PRMT8: variants seen among roughly 807,000 people sequenced by gnomAD.
The protein encoded by PRMT8 is protein arginine methyltransferase 8, also known as protein arginine N-methyltransferase 8.
PRMT8 carries 7 observed loss-of-function variants against 47.1 expected under a neutral mutation model. The observed-to-expected ratio is 0.15, with a 90% confidence interval of 0.08 to 0.28. The LOEUF is 0.28. PRMT8 is among the 10% of genes least tolerant of loss of function. The pLI, the probability that PRMT8 is intolerant of heterozygous loss-of-function variation, is 1.00. For missense variants in PRMT8, 237 were observed against 505.4 expected, an observed-to-expected ratio of 0.47 and a Z score of 5.09; for synonymous variants, 188 against 186.5, an observed-to-expected ratio of 1.01 and a Z score of -0.07.
intron 1 of PRMT8, among the ~76,000 whole-genome samples, chr12:3,466,168 G>A (rs916462595): frequency 7.2e-5 from 11 of 152,358 alleles, no homozygotes; most frequent in Admixed American, 7.2e-4. Flanking sequence ...AATTTGCTGT[G>A]TGAGCTTGAA....
chr12:3,491,736 C>T lies in PRMT8; in HGVS notation c.75+36C>T, dbSNP rs1865404911. Reference sequence around the variant, plus strand: ...GAGCGAGCAGGGGCTCTCGGAGACCCCGCCGCCCACCCGGACCACCGCGCC... The same window carrying T: ...GAGCGAGCAGGGGCTCTCGGAGACCTCGCCGCCCACCCGGACCACCGCGCC... On this transcript the variant is annotated intron_variant, in intron 1 of 9. Transcript: ENST00000382622. The T allele has an allele frequency of 1.9e-6, 3 of 1,580,326 alleles. 1 individual carries two copies. In the Admixed American group the frequency reaches 5.4e-5, roughly 29 times the overall value.
Position 3,550,100 on chromosome 12 carries a change from G to A in PRMT8, c.417+9G>A, listed in dbSNP as rs527719445. The stretch of plus-strand genomic sequence containing the variant: ...CCAAGAAGGTGTTTGGGGTGAGCAC[G>A]CCGCTTCCTCCTGCATGCTGGCTTC... On this transcript the variant is annotated intron_variant, in intron 3 of 9. Transcript: ENST00000382622. This position sits in a 1 kb window ranked among gnomAD's most constrained non-coding sequence, Gnocchi z 5.1. 3.2e-5 allele frequency: 51 copies of A among 1,613,142 alleles called. No individual in the cohort carries two copies. Among genetic ancestry groups the A allele is most frequent in the South Asian group, 7.7e-5 (7 of 91,004 alleles).
Position 3,409,391 on chromosome 12 carries a change from C to A in PRMT8, c.48+27949C>A, listed in dbSNP as rs1864404077. Among the ~76,000 whole-genome samples, 2 of 152,126 alleles carry A rather than the reference C, an allele frequency of 1.3e-5. No individual in the cohort carries two copies. The highest frequency in any genetic ancestry group is 6.5e-5 in the Admixed American group (1 of 15,280). Reference sequence around the variant, plus strand: ...ACTCAGGCCCTGGGGAATAAGGCACCACGTAGTGGTGTCTCTAGACCTTGG... The same window carrying A: ...ACTCAGGCCCTGGGGAATAAGGCACAACGTAGTGGTGTCTCTAGACCTTGG... On this transcript the variant is annotated intron_variant, in intron 1 of 9. Coordinates refer to the PRMT8 transcript ENST00000452611. The surrounding 1 kb of genome is among the most constrained non-coding windows in gnomAD (Gnocchi z 4.4).
At chr12:3,469,556 C>CG (rs970639603) in intron 1 of PRMT8, among the ~76,000 whole-genome samples, 2 of 151,782 alleles carry the variant, frequency 1.3e-5, no homozygotes, top group Admixed American at 1.3e-4. Flanking sequence ...TCATGGTTGC[C>CG]GGGGGTTAGG....
chr12:3,404,020 TCAAA>T (rs1251245637), intron 1 of PRMT8, among the ~76,000 whole-genome samples: 9 of 151,626 alleles, frequency 5.9e-5, no homozygotes, highest in African/African-American at 2.2e-4. Context: ...TCACAGGAAA[TCAAA>T]CAAACATCCA....
intron 1 of PRMT8, among the ~76,000 whole-genome samples, chr12:3,467,239 CAAAAAAAAAAAA>C (rs10694948): frequency 4.1e-5 from 2 of 48,818 alleles, no homozygotes; most frequent in South Asian, 3.2e-3. Context: ...GACTCCATCT[CAAAAAAAAAAAA>C]AAAAAAAAAA....
chr12:3,553,653 C>A lies in PRMT8; in HGVS notation c.420C>A (p.Ile140=). The change falls in exon 4 of 10, where the codon ATC becomes ATA. Residue 140 remains isoleucine (I), a splice_region_variant and synonymous_variant. Transcript: ENST00000382622. ...CCTTTGTCCTATGCCCTTTCCAGAT[C>A]GAATGCTCCAGTATTTCTGACTACT... ...AKAGAKKVFG[I]ECSSISDYSE... is the part of the protein sequence containing the mutation. 1 of 1,604,598 alleles carries A rather than the reference C, an allele frequency of 6.2e-7. No homozygotes were observed. Among genetic ancestry groups the A allele is most frequent in the South Asian group, 1.1e-5 (1 of 90,874 alleles).
intron 1 of PRMT8, among the ~76,000 whole-genome samples, chr12:3,465,282 ATATAT>A (rs1865086840): frequency 9.5e-6 from 1 of 104,812 alleles, no homozygotes; most frequent in Non-Finnish European, 2.1e-5. Context: ...AAAATAAAAA[ATATAT>A]AATATATAAT....
intron 1 of PRMT8, among the ~76,000 whole-genome samples, chr12:3,405,232 T>G (rs1459041322): frequency 6.6e-6 from 1 of 152,146 alleles, no homozygotes; most frequent in Non-Finnish European, 1.5e-5. Context: ...CATCAGATCT[T>G]GTGAAAACTC....
intron 1 of PRMT8, among the ~76,000 whole-genome samples, chr12:3,512,192 T>C (rs1182351168): frequency 6.6e-6 from 1 of 152,200 alleles, no homozygotes; most frequent in Non-Finnish European, 1.5e-5. Flanking sequence ...TGCGTTTGAC[T>C]TGATACCCAC....
intron 1 of PRMT8, among the ~76,000 whole-genome samples, chr12:3,441,112 AAC>A (rs200236527): frequency 0.69 from 104,102 of 151,510 alleles, 39,891 homozygotes; most frequent in East Asian, 0.93. Flanking sequence ...CTCAAAGTAT[AAC>A]TCCAGCATGT....
intron 1 of PRMT8, among the ~76,000 whole-genome samples, chr12:3,534,264 C>T (rs1446230489): frequency 6.6e-6 from 1 of 152,228 alleles, no homozygotes; most frequent in African/African-American, 2.4e-5. Flanking sequence ...TCTAGTGGAG[C>T]CTCTTGTTCT....
chr12:3,492,373 C>T lies in PRMT8; in HGVS notation c.75+673C>T, dbSNP rs945277105. On this transcript the variant is annotated intron_variant, in intron 1 of 9. Coordinates refer to ENST00000382622, the MANE Select transcript of PRMT8 (RefSeq NM_019854.5). The surrounding 1 kb of genome is among the most constrained non-coding windows in gnomAD (Gnocchi z 7.5). Reference sequence around the variant, plus strand: ...CGGCAGGGCACACGGGCCGCGGCCACCTTCAGCACCAGGGACAGCGTCCGC... The same window carrying T: ...CGGCAGGGCACACGGGCCGCGGCCATCTTCAGCACCAGGGACAGCGTCCGC... Among the ~76,000 whole-genome samples, 8 of 152,172 alleles carry T rather than the reference C, an allele frequency of 5.3e-5. No homozygotes were observed. Among genetic ancestry groups the T allele is most frequent in the African/African-American group, 1.9e-4 (8 of 41,446 alleles).
At chr12:3,438,497 C>G (rs1362499627) in intron 1 of PRMT8, among the ~76,000 whole-genome samples, 2 of 152,230 alleles carry the variant, frequency 1.3e-5, no homozygotes, top group Non-Finnish European at 2.9e-5. Context: ...TCAACAAGGT[C>G]TTTTGATAGA....
Position 3,550,138 on chromosome 12 carries a change from C to T in PRMT8, c.417+47C>T, listed in dbSNP as rs762199968. 13 of 1,599,504 alleles carry T rather than the reference C, an allele frequency of 8.1e-6. No homozygotes were observed. The East Asian group carries it at 2.7e-4, about 33-fold the overall frequency. On this transcript the variant is annotated intron_variant, in intron 3 of 9. Coordinates refer to ENST00000382622, the MANE Select transcript of PRMT8 (RefSeq NM_019854.5). This position sits in a 1 kb window ranked among gnomAD's most constrained non-coding sequence, Gnocchi z 5.1. ...GCATGCTGGCTTCCACAGAGCCAGC[C>T]TCTTGCCCTCTGCCTCCACCCGCCC...
chr12:3,564,626 G>T lies in PRMT8; in HGVS notation c.482-4080G>T, dbSNP rs75038181. On this transcript the variant is annotated intron_variant, in intron 4 of 9. Coordinates refer to ENST00000382622, the MANE Select transcript of PRMT8 (RefSeq NM_019854.5). This position sits in a 1 kb window ranked among gnomAD's most constrained non-coding sequence, Gnocchi z 4.0. ...ACCAGCCAGAGTCCTGTCATAGTTCGTTGAACAAACTTTCCATCATCCTTC... is the reference window on the plus strand; with the variant it reads ...ACCAGCCAGAGTCCTGTCATAGTTCTTTGAACAAACTTTCCATCATCCTTC... 3.5e-3 allele frequency among the ~76,000 whole-genome samples: 535 copies of T among 152,306 alleles called. 2 individuals carry two copies. Among genetic ancestry groups the T allele is most frequent in the Non-Finnish European group, 5.8e-3 (393 of 68,026 alleles).
intron 1 of PRMT8, among the ~76,000 whole-genome samples, chr12:3,433,104 C>T (rs1029407888): frequency 3.3e-5 from 5 of 152,228 alleles, no homozygotes; most frequent in African/African-American, 1.2e-4. Flanking sequence ...ACATCCTCTC[C>T]AATGCTTGGT....
At chr12:3,489,837 GCGCACA>G (rs879340935), upstream of PRMT8, among the ~76,000 whole-genome samples, 983 of 137,316 alleles carry the variant, frequency 7.2e-3, 3 homozygotes, top group Non-Finnish European at 0.01. Context: ...ACACACACGC[GCGCACA>G]CACACACACA....
chr12:3,396,830 C>T (rs1174082285), intron 1 of PRMT8, among the ~76,000 whole-genome samples: 1 of 151,738 alleles, frequency 6.6e-6, no homozygotes, highest in Admixed American at 6.6e-5. Flanking sequence ...TTCCATTCTC[C>T]CCGTCACTTT....
Sources: allele counts gnomAD v4.1 joint callset (sites outside exome capture counted in the v4.1 genomes callset), GRCh38; gene constraint gnomAD v4.1.1; non-coding constraint Gnocchi (gnomAD v3.1); transcripts MANE v1.5; gene names NCBI Gene and HGNC (gene_info 2026-07-23, HGNC 2026-07-21).